Variants in FLG observed in about 807,000 individuals in gnomAD.
FLG encodes epidermal filaggrin.
Under a neutral mutation model 3.8 loss-of-function variants are expected in FLG, and 6 were observed. That is an observed-to-expected ratio of 1.60 (90% CI 0.87 to 3.15). The LOEUF (loss-of-function observed/expected upper bound fraction) is 3.15, where lower values mean the gene tolerates loss of function less well. Ranked by LOEUF, FLG falls within the 30% of genes most tolerant of loss-of-function variation. The pLI, the probability that FLG is intolerant of heterozygous loss-of-function variation, is 0.00. For synonymous variants in FLG, 2,551 were observed against 1,931.6 expected, an observed-to-expected ratio of 1.32 and a Z score of -8.41; for missense variants, 7,595 against 5,050.9, an observed-to-expected ratio of 1.50 and a Z score of -15.27.
In FLG at chr1:152,307,819, C is replaced by G. The variant is rs898531199; in HGVS notation, c.7067G>C (p.Arg2356Thr). The G allele has an allele frequency of 1.2e-6, 2 of 1,613,322 alleles. No homozygotes were observed. Among genetic ancestry groups the G allele is most frequent in the South Asian group, 1.1e-5 (1 of 91,012 alleles). ...IGHGQASSAV[R>T]DSGHRGSSGS... ...ACTGGACCCTCGGTGTCCACTGTCT[C>G]TGACTGCAGATGAAGCTTGTCCGTG... Residue 2356 changes from arginine (R) to threonine (T), a missense_variant, in exon 3 of 3, where the codon AGA becomes ACA. Transcript: ENST00000368799.
At position 152,304,342 on chromosome 1, in the gene FLG, C is replaced by A. The variant is rs1437055889; in HGVS notation, c.10544G>T (p.Ser3515Ile). The A allele has an allele frequency of 3.1e-6, 5 of 1,611,738 alleles. No homozygotes were observed. The highest frequency in any genetic ancestry group is 2.2e-5 in the East Asian group (1 of 44,604). The change falls in exon 3 of 3, where the codon AGC becomes ATC. Residue 3515 changes from serine to isoleucine, a missense_variant. By Grantham distance (142) the Ser-to-Ile change is moderately radical (BLOSUM62 -2). Transcript: ENST00000368799. ...HHHEASTQAD[S>I]SRHSQSGQGQ... Reference sequence around the variant, plus strand: ...CTGGCCGGACTGTGAGTGTCTAGAGCTGTCCGCCTGAGTGGAAGCTTCATG... The same window carrying A: ...CTGGCCGGACTGTGAGTGTCTAGAGATGTCCGCCTGAGTGGAAGCTTCATG...
At position 152,310,191 on chromosome 1, in the gene FLG, G is replaced by T. The variant is rs757954115; in HGVS notation, c.4695C>A (p.Ser1565=). The change falls in exon 3 of 3, where the codon TCC becomes TCA. Residue 1565 remains serine (S), a synonymous_variant. Transcript: ENST00000368799. ...AGTGTCTAGAGCTGCCGGCCCGAGTGGAAGGTTCATGGTGACGTGACCCTG... is the reference window on the plus strand; with the variant it reads ...AGTGTCTAGAGCTGCCGGCCCGAGTTGAAGGTTCATGGTGACGTGACCCTG... ...RHSGSRHHEP[S]TRAGSSRHSQ... The T allele has an allele frequency of 6.2e-7, 1 of 1,613,834 alleles. No individual in the cohort carries two copies. The highest frequency in any genetic ancestry group is 8.5e-7 in the Non-Finnish European group (1 of 1,179,982).
Position 152,311,095 on chromosome 1 carries a change from C to G in FLG, c.3791G>C (p.Arg1264Thr). The G allele has an allele frequency of 6.2e-7, 1 of 1,613,962 alleles. No homozygotes were observed. Among genetic ancestry groups the G allele is most frequent in the Non-Finnish European group, 8.5e-7 (1 of 1,180,010 alleles). Reference sequence around the variant, plus strand: ...CTGGCTAACACTGGATCCCTGGTGCCTGCTTGTCCTGGACCCCGATGATTG... The same window carrying G: ...CTGGCTAACACTGGATCCCTGGTGCGTGCTTGTCCTGGACCCCGATGATTG... Reference protein sequence around the residue: ...QEQSSGSRTSRHQGSSVSQDS... With the variant: ...QEQSSGSRTSTHQGSSVSQDS... The change falls in exon 3 of 3, where the codon AGG (arginine) becomes ACG (threonine). Residue 1264 changes from arginine to threonine, a missense_variant. Arg to Thr is a moderately conservative substitution (Grantham distance 71, BLOSUM62 -1). Coordinates refer to ENST00000368799, the MANE Select transcript of FLG (RefSeq NM_002016.2).
chr1:152,312,201 T>A lies in FLG; in HGVS notation c.2685A>T (p.Thr895=). Residue 895 remains threonine, a synonymous_variant, in exon 3 of 3, where the codon ACA becomes ACT. Coordinates refer to ENST00000368799, the MANE Select transcript of FLG (RefSeq NM_002016.2). ...GQSGSRSASR[T]TRNEEQSRDG... ...CTCTTGATTGTTCCTCATTACGTGT[T>A]GTTCTGCTTGCACTTCTGGATCCTG... 6.2e-7 allele frequency: 1 copy of A among 1,613,910 alleles called. No homozygotes were observed. Among genetic ancestry groups the A allele is most frequent in the Non-Finnish European group, 8.5e-7 (1 of 1,179,966 alleles).
rs547131531 is a variant in FLG at position 152,313,457 on chromosome 1, G to C, written c.1429C>G (p.Gln477Glu). ...GTCCGTCCATGGGCAGAGTCAGGCT[G>C]TTCATGAGTGCTCACCTGGTAGAGG... ...SSLYQVSTHE[Q>E]PDSAHGRTGT... Residue 477 changes from glutamine to glutamate, a missense_variant, in exon 3 of 3, where the codon CAG (glutamine) becomes GAG (glutamate). Gln to Glu is a conservative substitution (Grantham distance 29, BLOSUM62 2). Transcript: ENST00000368799. The C allele has an allele frequency of 1.2e-6, 2 of 1,613,860 alleles. No individual in the cohort carries two copies. The highest frequency in any genetic ancestry group is 1.7e-6 in the Non-Finnish European group (2 of 1,179,992).
At position 152,308,679 on chromosome 1, in the gene FLG, C is replaced by T; in HGVS notation, c.6207G>A (p.Gln2069=). ...VSAQGKAGPH[Q]QSHKESARGQ... ...CACGTGCGGACTCTTTGTGGCTCTG[C>T]TGATGGGGCCCAGCTTTTCCCTGTG... Residue 2069 remains glutamine, a synonymous_variant, in exon 3 of 3, where the codon CAG becomes CAA. Transcript: ENST00000368799. The T allele has an allele frequency of 6.2e-7, 1 of 1,614,182 alleles. No homozygotes were observed. Among genetic ancestry groups the T allele is most frequent in the Non-Finnish European group, 8.5e-7 (1 of 1,180,024 alleles).
In FLG at chr1:152,310,515, C is replaced by A; in HGVS notation, c.4371G>T (p.Gln1457His). 6.2e-7 allele frequency: 1 copy of A among 1,613,892 alleles called. No homozygotes were observed. The highest frequency in any genetic ancestry group is 8.5e-7 in the Non-Finnish European group (1 of 1,179,926). Reference protein sequence around the residue: ...SHEQSESTHGQTAPSTGGRQG... With the variant: ...SHEQSESTHGHTAPSTGGRQG... Reference sequence around the variant, plus strand: ...GTCTTCCTCCAGTGCTGGGTGCAGTCTGTCCGTGTGTGGACTCAGACTGTT... The same window carrying A: ...GTCTTCCTCCAGTGCTGGGTGCAGTATGTCCGTGTGTGGACTCAGACTGTT... The change falls in exon 3 of 3, where the codon CAG becomes CAT. Residue 1457 changes from glutamine to histidine, a missense_variant. Coordinates refer to ENST00000368799, the MANE Select transcript of FLG (RefSeq NM_002016.2).
chr1:152,303,479 G>C lies in FLG; in HGVS notation c.11407C>G (p.Gln3803Glu). The change falls in exon 3 of 3, where the codon CAG (glutamine) becomes GAG (glutamate). Residue 3803 changes from glutamine (Q) to glutamate (E), a missense_variant. Gln to Glu is a conservative substitution (Grantham distance 29, BLOSUM62 2). Transcript: ENST00000368799. ...CTGCTTGCACTTCTGGATCCTGACT[G>C]CCCATGGGAGGCATCAGACCTTCCC... ...SQGRSDASHG[Q>E]SGSRSASRET... 1 of 1,614,058 alleles carries C rather than the reference G, an allele frequency of 6.2e-7. No individual in the cohort carries two copies. Among genetic ancestry groups the C allele is most frequent in the African/African-American group, 1.3e-5 (1 of 75,006 alleles).
chr1:152,313,525 G>C lies in FLG; in HGVS notation c.1361C>G (p.Thr454Arg), dbSNP rs1557881622. The part of the protein sequence containing the change: ...GLRQQSHQES[T>R]RGRSGERSGR... ...AGACCGTTCCCCTGACCGGCCACGT[G>C]TGGACTCTTGGTGGCTCTGCTGTCT... Residue 454 changes from threonine to arginine, a missense_variant, in exon 3 of 3, where the codon ACA becomes AGA. Physicochemically the swap from Thr to Arg is moderately conservative, Grantham distance 71. Coordinates refer to ENST00000368799, the MANE Select transcript of FLG (RefSeq NM_002016.2). 2 of 1,613,874 alleles carry C rather than the reference G, an allele frequency of 1.2e-6. No individual in the cohort carries two copies. The highest frequency in any genetic ancestry group is 1.1e-5 in the South Asian group (1 of 91,056).
rs771356433 is a variant in FLG, at chr1:152,304,490, G to T, written c.10396C>A (p.His3466Asn). Residue 3466 changes from histidine to asparagine, a missense_variant, in exon 3 of 3, where the codon CAC becomes AAC. His to Asn is a moderately conservative substitution (Grantham distance 68). Transcript: ENST00000368799. Reference sequence around the variant, plus strand: ...TCAGACCTTCCCTGGGATGTGGTGTGGCTGTGATGGGACCCTGAGTGTCCA... The same window carrying T: ...TCAGACCTTCCCTGGGATGTGGTGTTGCTGTGATGGGACCCTGAGTGTCCA... ...RSGHSGSHHS[H>N]TTSQGRSDAS... 3.1e-6 allele frequency: 5 copies of T among 1,612,886 alleles called. No homozygotes were observed. The highest frequency in any genetic ancestry group is 4.2e-6 in the Non-Finnish European group (5 of 1,179,680).
chr1:152,303,607 C>A lies in FLG; in HGVS notation c.11279G>T (p.Gly3760Val), dbSNP rs768192328. The part of the protein sequence containing the change: ...ASQEGQDTIR[G>V]HPGSRRGGRQ... ...TCCTCCTCTCCTTGACCCCGGGTGT[C>A]CACGAATGGTGTCCTGACCCTCTTG... The change falls in exon 3 of 3, where the codon GGA becomes GTA. Residue 3760 changes from glycine (G) to valine (V), a missense_variant. Coordinates refer to ENST00000368799, the MANE Select transcript of FLG (RefSeq NM_002016.2). 2 of 1,613,756 alleles carry A rather than the reference C, an allele frequency of 1.2e-6. No individual in the cohort carries two copies. The highest frequency in any genetic ancestry group is 2.2e-5 in the South Asian group (2 of 91,062).
Position 152,314,489 on chromosome 1 carries a change from T to C in FLG, c.397A>G (p.Asn133Asp), listed in dbSNP as rs145736320. ...GATCTTCCCTTATTCCCTTTTCTAT[T>C]GTTTCTTCTTTCCAGACTTGAGGGT... ...KRPSSLERRN[N>D]RKGNKGRSKS... is the part of the protein sequence containing the mutation. The change falls in exon 3 of 3, where the codon AAT becomes GAT. Residue 133 changes from asparagine to aspartate, a missense_variant. By Grantham distance (23) the Asn-to-Asp change is conservative (BLOSUM62 1). Transcript: ENST00000368799. 256 of 1,613,790 alleles carry C rather than the reference T, an allele frequency of 1.6e-4. 1 individual carries two copies. The highest frequency in any genetic ancestry group is 4.0e-4 in the South Asian group (36 of 91,062).
chr1:152,304,551 C>G lies in FLG; in HGVS notation c.10335G>C (p.Arg3445Ser), dbSNP rs568134264. ...CCGATTGCTCGTAGTGGGATCCCTG[C>G]CTTCCTCTTCTGCTTGACCCCGGGT... ...RGHPGSSRRG[R>S]QGSHYEQSVD... The change falls in exon 3 of 3, where the codon AGG (arginine) becomes AGC (serine). Residue 3445 changes from arginine to serine, a missense_variant. Physicochemically the swap from Arg to Ser is moderately radical, Grantham distance 110. Coordinates refer to ENST00000368799, the MANE Select transcript of FLG (RefSeq NM_002016.2). The G allele has an allele frequency of 7.5e-5, 121 of 1,606,094 alleles. 1 individual carries two copies. Among genetic ancestry groups the G allele is most frequent in the Non-Finnish European group, 8.2e-5 (96 of 1,175,564 alleles).
rs760545340 is a variant in FLG, at chr1:152,307,561, T to C, written c.7325A>G (p.His2442Arg). 18 of 1,613,638 alleles carry C rather than the reference T, an allele frequency of 1.1e-5. No individual in the cohort carries two copies. In the East Asian group the frequency reaches 2.5e-4, roughly 22 times the overall value. ...GGAGCTGTCTCGTGCCTGCTTGTGG[T>C]GGGATCCTTGTCTTCCTCCAGTGCT... ...GTSTGGRQGSHHKQARDSSRH... is the reference protein window; with the variant it reads ...GTSTGGRQGSRHKQARDSSRH... The change falls in exon 3 of 3, where the codon CAC becomes CGC. Residue 2442 changes from histidine (H) to arginine (R), a missense_variant. Transcript: ENST00000368799.
At position 152,311,370 on chromosome 1, in the gene FLG, C is replaced by G. The variant is rs201350571; in HGVS notation, c.3516G>C (p.Arg1172Ser). Residue 1172 changes from arginine to serine, a missense_variant, in exon 3 of 3, where the codon AGG becomes AGC. Coordinates refer to ENST00000368799, the MANE Select transcript of FLG (RefSeq NM_002016.2). ...QDTIRAHPGS[R>S]RGGRQGSHHE... ...GGTGGGATCCCTGCCTTCCTCCTCT[C>G]CTTGACCCCGGGTGTGCACGAATGG... The G allele has an allele frequency of 9.6e-5, 155 of 1,613,484 alleles. 2 individuals are homozygous for G. Among genetic ancestry groups the G allele is most frequent in the South Asian group, 9.6e-4 (87 of 91,044 alleles).
At position 152,302,700 on chromosome 1, in the gene FLG, T is replaced by C; in HGVS notation, c.12186A>G (p.Ter4062=). The C allele has an allele frequency of 6.2e-7, 1 of 1,613,438 alleles. No individual in the cohort carries two copies. Among genetic ancestry groups the C allele is most frequent in the East Asian group, 2.2e-5 (1 of 44,868 alleles). The change falls in exon 3 of 3, where the codon TAA becomes TAG. Residue 4062 remains the stop codon, a stop_retained_variant. Coordinates refer to ENST00000368799, the MANE Select transcript of FLG (RefSeq NM_002016.2). ...SQSQRYYYYE[*] ...GATTAATTCCTTTGCCATTAATTTC[T>C]TACTCATAGTAATAGTATCTCTGTG...
rs1328503859 is a variant in FLG, at chr1:152,304,041, A to C, written c.10845T>G (p.His3615Gln). 5.6e-6 allele frequency: 9 copies of C among 1,613,360 alleles called. No individual in the cohort carries two copies. The highest frequency in any genetic ancestry group is 3.3e-5 in the South Asian group (3 of 91,014). Residue 3615 changes from histidine to glutamine, a missense_variant, in exon 3 of 3, where the codon CAT becomes CAG. His to Gln is a conservative substitution (Grantham distance 24). Coordinates refer to ENST00000368799, the MANE Select transcript of FLG (RefSeq NM_002016.2). The stretch of plus-strand genomic sequence containing the variant: ...CTCCTGCACTTGATCTTGCCTGTTC[A>C]TGGGATGATGCAGCCTGTCCACCAG... Reference protein sequence around the residue: ...NSSGGQAASSHEQARSSAGER... With the variant: ...NSSGGQAASSQEQARSSAGER...
In FLG at chr1:152,312,045, G is replaced by C. The variant is rs139190275; in HGVS notation, c.2841C>G (p.Ser947Arg). Residue 947 changes from serine (S) to arginine (R), a missense_variant, in exon 3 of 3, where the codon AGC becomes AGG. Coordinates refer to ENST00000368799, the MANE Select transcript of FLG (RefSeq NM_002016.2). ...AATGTCCCTCACTGTCACTGTCCTGGCTAACACTGGATCCCTGGCGCCTGC... is the reference window on the plus strand; with the variant it reads ...AATGTCCCTCACTGTCACTGTCCTGCCTAACACTGGATCCCTGGCGCCTGC... Reference protein sequence around the residue: ...RTSRRQGSSVSQDSDSEGHSE... With the variant: ...RTSRRQGSSVRQDSDSEGHSE... 21 of 1,614,004 alleles carry C rather than the reference G, an allele frequency of 1.3e-5. No individual in the cohort carries two copies. Among genetic ancestry groups the C allele is most frequent in the African/African-American group, 2.7e-5 (2 of 74,986 alleles).
Position 152,312,322 on chromosome 1 carries a change from G to A in FLG, c.2564C>T (p.Ser855Phe), listed in dbSNP as rs371034537. The change falls in exon 3 of 3, where the codon TCC (serine) becomes TTC (phenylalanine). Residue 855 changes from serine to phenylalanine, a missense_variant. By Grantham distance (155) the Ser-to-Phe change is radical. Transcript: ENST00000368799. Reference protein sequence around the residue: ...PGSSRRGRQGSHHEQSVDRSG... With the variant: ...PGSSRRGRQGFHHEQSVDRSG... ...CCTATCTACCGATTGCTCGTGGTGG[G>A]ACCCCTGCCTTCCTCTTCTGCTTGA... 2.1e-5 allele frequency: 34 copies of A among 1,605,530 alleles called. No individual in the cohort carries two copies. The highest frequency in any genetic ancestry group is 4.4e-5 in the African/African-American group (3 of 67,670).
Sources: gnomAD v4.1 joint callset for allele counts on GRCh38, gnomAD v4.1.1 for gene constraint, MANE v1.5 for transcripts, NCBI Gene and HGNC (gene_info 2026-07-23, HGNC 2026-07-21) for gene names.